Variants in SLC39A2 observed in about 807,000 individuals in gnomAD.
The protein encoded by SLC39A2 is solute carrier family 39 member 2.
In SLC39A2, 14 loss-of-function variants were observed where a neutral mutation model predicts 18.0. That is an observed-to-expected ratio of 0.78 (90% confidence interval 0.51 to 1.22). The LOEUF (loss-of-function observed/expected upper bound fraction) is 1.22, where lower values mean the gene tolerates loss of function less well. SLC39A2 is among the 50% of genes most tolerant of loss of function. The pLI is 0.00. For missense variants in SLC39A2, 375 were observed against 370.6 expected, an observed-to-expected ratio of 1.01 and a Z score of -0.10; for synonymous variants, 152 against 153.1, an observed-to-expected ratio of 0.99 and a Z score of 0.05.
intron 3 of SLC39A2, 79 bp downstream of exon 3, chr14:21,000,245 G>A: frequency 9.8e-7 from 1 of 1,022,096 alleles, no homozygotes; most frequent in Non-Finnish European, 1.5e-6. Context: ...CTTTTGAGAG[G>A]AATACATGAG....
rs1222206544 is a variant in SLC39A2 at position 21,001,772 on chromosome 14, T to A, written c.*193T>A. Reference sequence around the variant, plus strand: ...CTGGACTAAGACAAAGATATTTAGGTTGAGCAGCTATTAATTGGAGAATTG... The same window carrying A: ...CTGGACTAAGACAAAGATATTTAGGATGAGCAGCTATTAATTGGAGAATTG... On this transcript the variant is annotated 3_prime_UTR_variant, in exon 4 of 4. Coordinates refer to ENST00000298681, the MANE Select transcript of SLC39A2 (RefSeq NM_014579.4). The A allele has an allele frequency of 6.5e-6, 3 of 465,000 alleles. No individual in the cohort carries two copies. Among genetic ancestry groups the A allele is most frequent in the African/African-American group, 5.9e-5 (3 of 50,662 alleles). 28.8% of individuals were successfully genotyped at this position (465,000 alleles called of 1,614,324 possible). A position where few individuals can be genotyped will look rare whatever the true frequency, so the allele number is the denominator to read the frequency against.
rs747184249 is a variant in SLC39A2 at position 20,999,805 on chromosome 14, G to A, written c.179G>A (p.Gly60Glu). The A allele has an allele frequency of 6.2e-7, 1 of 1,614,148 alleles. No homozygotes were observed. Among genetic ancestry groups the A allele is most frequent in the Admixed American group, 1.7e-5 (1 of 60,028 alleles). Residue 60 changes from glycine to glutamate, a missense_variant, in exon 2 of 4, where the codon GGG (glycine) becomes GAG (glutamate). Transcript: ENST00000298681. Reference protein sequence around the residue: ...CISAGVFLGAGFMHMTAEALE... With the variant: ...CISAGVFLGAEFMHMTAEALE... ...TCTGCTGGTGTTTTCCTGGGAGCAG[G>A]GTTCATGCATATGACTGCTGAAGCC...
intron 3 of SLC39A2, among the ~76,000 whole-genome samples, 170 bp downstream of exon 3, chr14:21,000,336 A>G (rs1438386485): frequency 1.3e-5 from 2 of 152,228 alleles, no homozygotes; most frequent in African/African-American, 4.8e-5. Context: ...TTGAGTTTAT[A>G]GAATGCCAGG....
In SLC39A2 at chr14:21,001,314, G is replaced by A. The variant is rs759621913; in HGVS notation, c.665G>A (p.Arg222Gln). 8 of 1,614,108 alleles carry A rather than the reference G, an allele frequency of 5.0e-6. No individual in the cohort carries two copies. The highest frequency in any genetic ancestry group is 4.4e-5 in the South Asian group (4 of 91,082). The change falls in exon 4 of 4, where the codon CGA becomes CAA. Residue 222 changes from arginine (R) to glutamine (Q), a missense_variant. Arg to Gln is a conservative substitution (Grantham distance 43, BLOSUM62 1). Transcript: ENST00000298681. ...MRLVHLGTSS[R>Q]WAVFSILLLA... ...CTAGTGCATTTAGGTACCAGCTCACGATGGGCAGTGTTCTCCATACTATTA... is the reference window on the plus strand; with the variant it reads ...CTAGTGCATTTAGGTACCAGCTCACAATGGGCAGTGTTCTCCATACTATTA...
Position 20,999,873 on chromosome 14 carries a change from G to A in SLC39A2, c.246+1G>A. ...ACAGATTCAGAAGTTCATGGTGCAG[G>A]TGAGAGCAGAGATTTCAAGCCGCAG... On this transcript the variant is annotated splice_donor_variant, in intron 2 of 3. Transcript: ENST00000298681. LOFTEE classifies it high-confidence loss of function. 1 of 1,613,910 alleles carries A rather than the reference G, an allele frequency of 6.2e-7. No homozygotes were observed. The highest frequency in any genetic ancestry group is 1.1e-5 in the South Asian group (1 of 91,074).
chr14:21,001,492 G>A lies in SLC39A2; in HGVS notation c.843G>A (p.Glu281=). ...CCTTCCTAGAAATTCTTCCACGGGA[G>A]CTAGCTAGTCCTGAGGCCCCTCTAG... ...YVTFLEILPR[E]LASPEAPLAK... is the part of the protein sequence containing the mutation. The change falls in exon 4 of 4, where the codon GAG becomes GAA. Residue 281 remains glutamate, a synonymous_variant. Coordinates refer to ENST00000298681, the MANE Select transcript of SLC39A2 (RefSeq NM_014579.4). 1 of 1,613,372 alleles carries A rather than the reference G, an allele frequency of 6.2e-7. No individual in the cohort carries two copies. The highest frequency in any genetic ancestry group is 8.5e-7 in the Non-Finnish European group (1 of 1,179,504).
Position 21,000,112 on chromosome 14 carries a change from T to G in SLC39A2, c.247-4T>G. 1 of 1,612,036 alleles carries G rather than the reference T, an allele frequency of 6.2e-7. No homozygotes were observed. The highest frequency in any genetic ancestry group is 8.5e-7 in the Non-Finnish European group (1 of 1,178,868). Reference sequence around the variant, plus strand: ...ACATCTAATTTCTGCTGCTTTCTTCTTAGAACAGATCAGCAAGTGAGAGAA... The same window carrying G: ...ACATCTAATTTCTGCTGCTTTCTTCGTAGAACAGATCAGCAAGTGAGAGAA... On this transcript the variant is annotated splice_polypyrimidine_tract_variant and splice_region_variant and intron_variant, in intron 2 of 3. Coordinates refer to ENST00000298681, the MANE Select transcript of SLC39A2 (RefSeq NM_014579.4).
At chr14:20,999,962 G>A (rs150706914) in intron 2 of SLC39A2, 90 bp downstream of exon 2, 4 of 1,546,782 alleles carry the variant, frequency 2.6e-6, no homozygotes, top group South Asian at 1.2e-5. Flanking sequence ...TGGAGCCAAG[G>A]ACATGGGTGG....
rs1488878673 is a variant in SLC39A2, at chr14:20,999,801, G to C, written c.175G>C (p.Ala59Pro). Reference sequence around the variant, plus strand: ...TATTTCTGCTGGTGTTTTCCTGGGAGCAGGGTTCATGCATATGACTGCTGA... The same window carrying C: ...TATTTCTGCTGGTGTTTTCCTGGGACCAGGGTTCATGCATATGACTGCTGA... ...GCISAGVFLG[A>P]GFMHMTAEAL... Residue 59 changes from alanine (A) to proline (P), a missense_variant, in exon 2 of 4, where the codon GCA becomes CCA. Transcript: ENST00000298681. The C allele has an allele frequency of 1.9e-6, 3 of 1,614,004 alleles. No homozygotes were observed. The highest frequency in any genetic ancestry group is 2.5e-6 in the Non-Finnish European group (3 of 1,179,942).
rs1332858170 is a variant in SLC39A2 at position 21,001,194 on chromosome 14, C to T, written c.545C>T (p.Ala182Val). Residue 182 changes from alanine (A) to valine (V), a missense_variant, in exon 4 of 4, where the codon GCT becomes GTT. Ala to Val is a moderately conservative substitution (Grantham distance 64, BLOSUM62 0). Coordinates refer to ENST00000298681, the MANE Select transcript of SLC39A2 (RefSeq NM_014579.4). ...TTTCACTCAGTGTTTGAAGGGCTAG[C>T]TGTGGGGCTGCAGCCGACAGTAGCA... ...LSFHSVFEGL[A>V]VGLQPTVAAT... 6.2e-7 allele frequency: 1 copy of T among 1,614,188 alleles called. No homozygotes were observed. Among genetic ancestry groups the T allele is most frequent in the Non-Finnish European group, 8.5e-7 (1 of 1,180,022 alleles).
intron 2 of SLC39A2, 112 bp downstream of exon 2, chr14:20,999,984 A>G: frequency 6.7e-7 from 1 of 1,500,246 alleles, no homozygotes. Flanking sequence ...ACGACAAGGA[A>G]AATGACAGCT....
Position 21,001,528 on chromosome 14 carries a change from C to A in SLC39A2, c.879C>A (p.Ser293Arg). ...ASPEAPLAKW[S>R]CVAAGFAFMA... is the part of the protein sequence containing the mutation. ...CTGAGGCCCCTCTAGCTAAGTGGAG[C>A]TGTGTAGCCGCTGGTTTTGCCTTCA... Residue 293 changes from serine to arginine, a missense_variant, in exon 4 of 4, where the codon AGC (serine) becomes AGA (arginine). Transcript: ENST00000298681. 1 of 1,597,382 alleles carries A rather than the reference C, an allele frequency of 6.3e-7. No individual in the cohort carries two copies. The highest frequency in any genetic ancestry group is 8.5e-7 in the Non-Finnish European group (1 of 1,172,792).
At position 21,001,401 on chromosome 14, in the gene SLC39A2, A is replaced by C. The variant is rs774710308; in HGVS notation, c.752A>C (p.Glu251Ala). 2.5e-6 allele frequency: 4 copies of C among 1,613,926 alleles called. No homozygotes were observed. The East Asian group carries it at 6.7e-5, about 27-fold the overall frequency. Residue 251 changes from glutamate (E) to alanine (A), a missense_variant, in exon 4 of 4, where the codon GAA (glutamate) becomes GCA (alanine). Glu to Ala is a moderately radical substitution (Grantham distance 107, BLOSUM62 -1). Transcript: ENST00000298681. ...CTGGCTGTGACTGGAGGGGACTCTG[A>C]AGGAGGGCGGGGCTTAGCCCAGGCT... Reference protein sequence around the residue: ...VGLAVTGGDSEGGRGLAQAVL... With the variant: ...VGLAVTGGDSAGGRGLAQAVL...
At position 21,001,685 on chromosome 14, in the gene SLC39A2, TA is replaced by T; in HGVS notation, c.*107del. 1.5e-5 allele frequency: 16 copies of T among 1,092,232 alleles called. No homozygotes were observed. The highest frequency in any genetic ancestry group is 2.1e-5 in the Non-Finnish European group (16 of 767,834). The allele number at this position is 1,092,232 out of a possible 1,614,324, so 67.7% of individuals were successfully genotyped here. On this transcript the variant is annotated 3_prime_UTR_variant, in exon 4 of 4. Transcript: ENST00000298681. ...CAGACATTTCTTTACTCAGACTAAATAGCATTCAGTAGGACTGGACTGGACC... is the reference window on the plus strand; with the variant it reads ...CAGACATTTCTTTACTCAGACTAAATGCATTCAGTAGGACTGGACTGGACC...
Position 20,999,760 on chromosome 14 carries a change from T to C in SLC39A2, c.134T>C (p.Leu45Pro). 1 of 1,614,176 alleles carries C rather than the reference T, an allele frequency of 6.2e-7. No homozygotes were observed. Among genetic ancestry groups the C allele is most frequent in the Non-Finnish European group, 8.5e-7 (1 of 1,180,004 alleles). Residue 45 changes from leucine to proline, a missense_variant, in exon 2 of 4, where the codon CTC becomes CCC. Coordinates refer to ENST00000298681, the MANE Select transcript of SLC39A2 (RefSeq NM_014579.4). ...TTATTAGGTCATCACCGGCTAGTCC[T>C]CAGACTCCTGGGCTGTATTTCTGCT... ...DAARGHHRLV[L>P]RLLGCISAGV...
At position 20,999,760 on chromosome 14, in the gene SLC39A2, T is replaced by G. The variant is rs753257995; in HGVS notation, c.134T>G (p.Leu45Arg). The change falls in exon 2 of 4, where the codon CTC (leucine) becomes CGC (arginine). Residue 45 changes from leucine (L) to arginine (R), a missense_variant. By Grantham distance (102) the Leu-to-Arg change is moderately radical. Coordinates refer to ENST00000298681, the MANE Select transcript of SLC39A2 (RefSeq NM_014579.4). Reference protein sequence around the residue: ...DAARGHHRLVLRLLGCISAGV... With the variant: ...DAARGHHRLVRRLLGCISAGV... The stretch of plus-strand genomic sequence containing the variant: ...TTATTAGGTCATCACCGGCTAGTCC[T>G]CAGACTCCTGGGCTGTATTTCTGCT... 9 of 1,614,176 alleles carry G rather than the reference T, an allele frequency of 5.6e-6. No individual in the cohort carries two copies. In the Admixed American group the frequency reaches 1.0e-4, roughly 18 times the overall value.
intron 3 of SLC39A2, among the ~76,000 whole-genome samples, chr14:21,000,589 A>T (rs1880581454): frequency 6.6e-6 from 1 of 152,132 alleles, no homozygotes; most frequent in Non-Finnish European, 1.5e-5. Context: ...TTCCTGCCTC[A>T]GCCTCCTGAG....
Position 21,001,024 on chromosome 14 carries a change from G to A in SLC39A2, c.375G>A (p.Gln125=). The change falls in exon 4 of 4, where the codon CAG becomes CAA. Residue 125 remains glutamine, a synonymous_variant. Coordinates refer to ENST00000298681, the MANE Select transcript of SLC39A2 (RefSeq NM_014579.4). ...TCTTTTTGGAGTCGCTGGCATTGCA[G>A]TGCTGTCCTGGGGCTGCTGGAGGAT... The part of the protein sequence containing the change: ...FVFFLESLAL[Q]CCPGAAGGST... 1 of 1,574,358 alleles carries A rather than the reference G, an allele frequency of 6.4e-7. No homozygotes were observed. Among genetic ancestry groups the A allele is most frequent in the South Asian group, 1.2e-5 (1 of 85,002 alleles).
In SLC39A2 at chr14:21,000,292, A is replaced by C. The variant is rs981338320; in HGVS notation, c.297+126A>C. The C allele has an allele frequency of 2.4e-5, 16 of 668,550 alleles. No individual in the cohort carries two copies. The Admixed American group carries it at 2.5e-4, about 10-fold the overall frequency. 41.4% of individuals were successfully genotyped at this position (668,550 alleles called of 1,614,324 possible). A position where few individuals can be genotyped will look rare whatever the true frequency, so the allele number is the denominator to read the frequency against. On this transcript the variant is annotated intron_variant, in intron 3 of 3. Transcript: ENST00000298681. ...ATCCCTTCTGCTCCCTAGCTCAGAC[A>C]TCGTAGAGGAAAAGAGGAGCAAATC...
Sources: gnomAD v4.1 joint callset for allele counts (sites outside exome capture counted in the v4.1 genomes callset) on GRCh38, gnomAD v4.1.1 for gene constraint, MANE v1.5 for transcripts, NCBI Gene and HGNC (gene_info 2026-07-23, HGNC 2026-07-21) for gene names.